The following RIMS1 variants were observed in gnomAD, a reference collection of about 807,000 sequenced individuals.
The protein encoded by RIMS1 is regulating synaptic membrane exocytosis protein 1.
In RIMS1, 83 loss-of-function variants were observed where a neutral mutation model predicts 214.1. That is an observed-to-expected ratio of 0.39 (90% CI 0.32 to 0.47). RIMS1 has a LOEUF of 0.47. Ranked by LOEUF, RIMS1 falls within the 20% of genes least tolerant of loss-of-function variation. The pLI is 0.99. For synonymous variants in RIMS1, 793 were observed against 786.8 expected (o/e 1.01, Z -0.13); for missense variants, 2,050 against 2,161.8 (o/e 0.95, Z 1.03).
chr6:71,908,065 C>G (rs1229248747), intron 1 of RIMS1, among the ~76,000 whole-genome samples: 2 of 152,114 alleles, frequency 1.3e-5, no homozygotes, highest in Non-Finnish European at 2.9e-5. Flanking sequence ...TTCTGTTTAC[C>G]TTTTTGGATT....
At chr6:72,205,510 T>C (rs1018886650) in intron 6 of RIMS1, among the ~76,000 whole-genome samples, 7 of 152,176 alleles carry the variant, frequency 4.6e-5, no homozygotes, top group Non-Finnish European at 1.0e-4. Context: ...CATGAGATTG[T>C]ATATTTCACA....
intron 2 of RIMS1, among the ~76,000 whole-genome samples, chr6:72,028,431 A>G (rs1229224611): frequency 2.0e-5 from 3 of 152,184 alleles, no homozygotes; most frequent in Non-Finnish European, 4.4e-5. Flanking sequence ...TTGAAAATAT[A>G]TTTTGCAGTG....
At chr6:72,098,289 C>CTTTTTTTTTTTTT (rs58934201) in intron 3 of RIMS1, among the ~76,000 whole-genome samples, 1 of 143,346 alleles carries the variant, frequency 7.0e-6, no homozygotes. Flanking sequence ...ATCAATATAT[C>CTTTTTTTTTTTTT]TTTTTTTTTT....
chr6:72,390,867 C>A, intron 30 of RIMS1, 131 bp downstream of exon 30: 1 of 1,054,602 alleles, frequency 9.5e-7, no homozygotes, highest in Non-Finnish European at 1.4e-6. Context: ...CCATTTTAAA[C>A]CACCCTGATG....
intron 3 of RIMS1, among the ~76,000 whole-genome samples, chr6:72,099,757 T>C: frequency 6.6e-6 from 1 of 152,170 alleles, no homozygotes. Flanking sequence ...ATCTAACATA[T>C]AGCAGGACCC....
At position 72,263,039 on chromosome 6, in the gene RIMS1, A is replaced by G. The variant is rs1280168342; in HGVS notation, c.3117-1936A>G. 5.6e-6 allele frequency: 5 copies of G among 892,806 alleles called. No individual in the cohort carries two copies. In the African/African-American group the frequency reaches 9.1e-5, roughly 16 times the overall value. The allele number at this position is 892,806 out of a possible 1,614,324, so 55.3% of individuals were successfully genotyped here. ...TTACGACTAATAGAGTAAGGATTCA[A>G]AATCAGATCTATTTGATATCTTCTG... On this transcript the variant is annotated intron_variant, in intron 19 of 33. Transcript: ENST00000521978.
At chr6:72,335,631 GC>G (rs1259314694) in intron 29 of RIMS1, among the ~76,000 whole-genome samples, 3 of 151,782 alleles carry the variant, frequency 2.0e-5, no homozygotes, top group African/African-American at 7.2e-5. Flanking sequence ...GGTTCTAGAT[GC>G]TTGAGGAATC....
intron 28 of RIMS1, chr6:72,317,305 A>C (rs1465724750): frequency 3.7e-6 from 1 of 271,868 alleles, no homozygotes; most frequent in East Asian, 7.7e-5. Flanking sequence ...GCACCTGCAC[A>C]GGGCTGTGTT....
At chr6:72,110,710 A>G (rs1169799083) in intron 4 of RIMS1, among the ~76,000 whole-genome samples, 7 of 151,880 alleles carry the variant, frequency 4.6e-5, no homozygotes, top group African/African-American at 1.7e-4. Context: ...CTCCTGCCTA[A>G]TAGCCCTGGC....
chr6:72,201,625 T>A (rs1378678004), intron 6 of RIMS1, among the ~76,000 whole-genome samples: 1 of 152,180 alleles, frequency 6.6e-6, no homozygotes, highest in Admixed American at 6.5e-5. Context: ...ATTTCTTGCC[T>A]TTGAAACCCT....
chr6:72,014,142 G>A (rs12208581), intron 2 of RIMS1, among the ~76,000 whole-genome samples: 1 of 152,176 alleles, frequency 6.6e-6, no homozygotes, highest in Non-Finnish European at 1.5e-5. Flanking sequence ...TTATAATCAT[G>A]GTGGAAAGGG....
At chr6:71,956,410 T>C (rs1221099372) in intron 1 of RIMS1, among the ~76,000 whole-genome samples, 3 of 152,208 alleles carry the variant, frequency 2.0e-5, no homozygotes, top group African/African-American at 4.8e-5. Context: ...GTTTACTATG[T>C]AAACAGAGTT....
At position 72,030,780 on chromosome 6, in the gene RIMS1, C is replaced by A. The variant is rs2152007338; in HGVS notation, c.245+61717C>A. On this transcript the variant is annotated intron_variant, in intron 2 of 33. Coordinates refer to ENST00000521978, the MANE Select transcript of RIMS1 (RefSeq NM_014989.7). ...AAATAGAAAGGCAAAATTTAAGAAA[C>A]ATTACTTTCAATTGCTAACTTTTAT... Among the ~76,000 whole-genome samples, 2 of 152,142 alleles carry A rather than the reference C, an allele frequency of 1.3e-5. 1 individual carries two copies. The highest frequency in any genetic ancestry group is 4.1e-4 in the South Asian group (2 of 4,822).
chr6:72,004,203 C>T (rs1434439716), intron 2 of RIMS1, among the ~76,000 whole-genome samples: 1 of 151,876 alleles, frequency 6.6e-6, no homozygotes, highest in Non-Finnish European at 1.5e-5. Flanking sequence ...ATGAACTCAT[C>T]ATTTTTTATG....
chr6:72,152,302 C>G (rs2043720874), intron 4 of RIMS1, among the ~76,000 whole-genome samples: 2 of 152,096 alleles, frequency 1.3e-5, no homozygotes, highest in South Asian at 4.1e-4. Flanking sequence ...TACAACATAC[C>G]TATGGGAGAG....
intron 2 of RIMS1, among the ~76,000 whole-genome samples, chr6:72,069,048 G>C (rs554807779): frequency 1.3e-3 from 197 of 152,278 alleles, no homozygotes; most frequent in African/African-American, 4.5e-3. Flanking sequence ...TGAGGTGTTT[G>C]GGAGTAATAC....
At position 72,048,132 on chromosome 6, in the gene RIMS1, G is replaced by A. The variant is rs756070572; in HGVS notation, c.246-48817G>A. Reference sequence around the variant, plus strand: ...AACAAAATGCAATGTTTTTAAGTACGAATGGTGGACAATGGAGCACAAAGT... The same window carrying A: ...AACAAAATGCAATGTTTTTAAGTACAAATGGTGGACAATGGAGCACAAAGT... On this transcript the variant is annotated intron_variant, in intron 2 of 33. Transcript: ENST00000521978. Among the ~76,000 whole-genome samples, 73 of 152,144 alleles carry A rather than the reference G, an allele frequency of 4.8e-4. 1 individual carries two copies. Among genetic ancestry groups the A allele is most frequent in the Non-Finnish European group, 5.4e-4 (37 of 68,018 alleles).
At chr6:72,213,531 G>A (rs2054329926) in intron 6 of RIMS1, among the ~76,000 whole-genome samples, 1 of 151,416 alleles carries the variant, frequency 6.6e-6, no homozygotes, top group African/African-American at 2.4e-5. Flanking sequence ...AATGTTCTGT[G>A]AAAATAATTA....
chr6:72,257,937 A>G (rs926390032), intron 16 of RIMS1, among the ~76,000 whole-genome samples, 188 bp from the exon 17 acceptor site: 3 of 152,192 alleles, frequency 2.0e-5, no homozygotes, highest in Admixed American at 6.6e-5. Flanking sequence ...ACCTGTTTCA[A>G]TGCATGTATA....
Sources: gnomAD v4.1 joint callset for allele counts (sites outside exome capture counted in the v4.1 genomes callset) on GRCh38, gnomAD v4.1.1 for gene constraint, MANE v1.5 for transcripts, NCBI Gene and HGNC (gene_info 2026-07-23, HGNC 2026-07-21) for gene names.